The following SIN3A variants were observed in gnomAD, a reference collection of about 807,000 sequenced individuals.
SIN3A encodes SIN3 transcription regulator family member A.
SIN3A carries 14 observed loss-of-function variants against 146.1 expected under a neutral mutation model. The ratio of observed to expected loss-of-function variants is 0.10; its 90% CI spans 0.06 to 0.15. The LOEUF (loss-of-function observed/expected upper bound fraction) is 0.15, where lower values mean the gene tolerates loss of function less well. Ranked by LOEUF, SIN3A falls within the 10% of genes least tolerant of loss-of-function variation. The pLI, the probability that SIN3A is intolerant of heterozygous loss-of-function variation, is 1.00. For synonymous variants in SIN3A, 572 were observed against 572.0 expected (o/e 1.00, Z 0.00); for missense variants, 1,028 against 1,576.0 (o/e 0.65, Z 5.89).
At chr15:75,430,888 G>A (rs1044536763) in intron 1 of SIN3A, among the ~76,000 whole-genome samples, 28 of 151,800 alleles carry the variant, frequency 1.8e-4, no homozygotes, top group African/African-American at 6.8e-4. Flanking sequence ...CCATTCTCCT[G>A]CCTCAGCCTC....
chr15:75,446,389 T>C (rs2074306930), intron 1 of SIN3A: 1 of 149,626 alleles, frequency 6.7e-6, no homozygotes. Flanking sequence ...GCATGAAGGC[T>C]GGGTAGCTGA....
At chr15:75,390,268 C>T (rs2073174343) in intron 15 of SIN3A, among the ~76,000 whole-genome samples, 1 of 152,222 alleles carries the variant, frequency 6.6e-6, no homozygotes. Flanking sequence ...AAGGCAGACA[C>T]AGCCATACTC....
intron 15 of SIN3A, among the ~76,000 whole-genome samples, chr15:75,391,463 A>C (rs754641805): frequency 8.6e-5 from 13 of 151,988 alleles, no homozygotes; most frequent in Admixed American, 5.3e-4. Flanking sequence ...ACAGATAGAA[A>C]GCTAGGGCCA....
At chr15:75,442,932 C>CA (rs34555614) in intron 1 of SIN3A, among the ~76,000 whole-genome samples, 36,359 of 84,240 alleles carry the variant, frequency 0.43, 6,866 homozygotes, top group African/African-American at 0.54. Flanking sequence ...AACTCTGTCT[C>CA]AAAAAAAAAA....
intron 1 of SIN3A, among the ~76,000 whole-genome samples, chr15:75,449,484 A>T (rs188641027): frequency 5.2e-5 from 8 of 152,386 alleles, no homozygotes; most frequent in Non-Finnish European, 7.3e-5. Context: ...ATAGGAAAAG[A>T]TAATGTATCA....
At chr15:75,443,098 G>A (rs2074245443) in intron 1 of SIN3A, among the ~76,000 whole-genome samples, 1 of 151,950 alleles carries the variant, frequency 6.6e-6, no homozygotes, top group Non-Finnish European at 1.5e-5. Flanking sequence ...GATTACAGGT[G>A]CACGCCACCA....
chr15:75,374,110 A>C (rs896864624), intron 20 of SIN3A, among the ~76,000 whole-genome samples: 1 of 151,994 alleles, frequency 6.6e-6, no homozygotes, highest in African/African-American at 2.4e-5. Context: ...AAACCAAAAA[A>C]CCCCAAAACT....
intron 19 of SIN3A, 114 bp from the exon 20 acceptor site, chr15:75,375,986 A>C: frequency 1.0e-6 from 1 of 995,700 alleles, no homozygotes; most frequent in Non-Finnish European, 1.5e-6. Flanking sequence ...CCAATTTGTT[A>C]AATACATACA....
chr15:75,432,971 G>C (rs1258832968), intron 1 of SIN3A, among the ~76,000 whole-genome samples: 1 of 152,188 alleles, frequency 6.6e-6, no homozygotes, highest in African/African-American at 2.4e-5. Context: ...GAACCTGGGA[G>C]GCGGAGGTTG....
intron 3 of SIN3A, 128 bp downstream of exon 3, chr15:75,422,519 C>G: frequency 9.1e-7 from 1 of 1,097,026 alleles, no homozygotes; most frequent in Non-Finnish European, 1.4e-6. Flanking sequence ...AAAACAAAAA[C>G]GGTAAAACTT....
At chr15:75,384,888 C>T (rs1045349014) in intron 16 of SIN3A, among the ~76,000 whole-genome samples, 1 of 152,094 alleles carries the variant, frequency 6.6e-6, no homozygotes, top group African/African-American at 2.4e-5. Context: ...CAAATTTACA[C>T]AATGCATCAG....
chr15:75,439,592 A>G (rs60505492), intron 1 of SIN3A, among the ~76,000 whole-genome samples: 6 of 150,994 alleles, frequency 4.0e-5, no homozygotes, highest in African/African-American at 1.5e-4. Context: ...TGATCCGCCC[A>G]CCTCAGCCTC....
intron 1 of SIN3A, among the ~76,000 whole-genome samples, chr15:75,440,031 A>G (rs2074176939): frequency 6.6e-6 from 1 of 151,390 alleles, no homozygotes; most frequent in African/African-American, 2.4e-5. Flanking sequence ...GGCGCCTGTA[A>G]TCCCAGCAAC....
At chr15:75,382,509 A>G (rs1255603257) in intron 17 of SIN3A, among the ~76,000 whole-genome samples, 7 of 152,206 alleles carry the variant, frequency 4.6e-5, no homozygotes, top group South Asian at 2.1e-4. Flanking sequence ...TGCTTTTATA[A>G]TTATCCATTA....
At chr15:75,440,633 T>C (rs1388096622) in intron 1 of SIN3A, among the ~76,000 whole-genome samples, 4 of 152,120 alleles carry the variant, frequency 2.6e-5, no homozygotes, top group Admixed American at 2.6e-4. Context: ...CAAGTACTCA[T>C]CAAATGTCAT....
At chr15:75,420,549 G>A (rs1356943464) in intron 3 of SIN3A, 1 of 152,014 alleles carries the variant, frequency 6.6e-6, no homozygotes, top group African/African-American at 2.4e-5. Context: ...CACCATGCCT[G>A]GCTCATTTTG....
intron 6 of SIN3A, 103 bp from the exon 7 acceptor site, chr15:75,410,389 A>G (rs930630012): frequency 1.7e-6 from 2 of 1,175,606 alleles, no homozygotes; most frequent in Non-Finnish European, 2.4e-6. Context: ...GCTGCATGTA[A>G]GAAGAAAGTC....
At chr15:75,419,672 T>A (rs1456964709) in intron 3 of SIN3A, 4 of 145,068 alleles carry the variant, frequency 2.8e-5, no homozygotes, top group Non-Finnish European at 4.6e-5. Context: ...AAAAAAAAAA[T>A]ACAAAAATTA....
chr15:75,429,128 A>G (rs1202345431), intron 2 of SIN3A, among the ~76,000 whole-genome samples: 3 of 152,206 alleles, frequency 2.0e-5, no homozygotes, highest in Non-Finnish European at 2.9e-5. Flanking sequence ...GGAGTCAAAA[A>G]TTATACATTG....
Sources: gnomAD v4.1 joint callset for allele counts (sites outside exome capture counted in the v4.1 genomes callset) on GRCh38, gnomAD v4.1.1 for gene constraint, MANE v1.5 for transcripts, NCBI Gene and HGNC (gene_info 2026-07-23, HGNC 2026-07-21) for gene names.